Variants in KCNB2 observed in about 807,000 individuals in gnomAD.
KCNB2 encodes the protein potassium voltage-gated channel subfamily B member 2, also known as delayed rectifier potassium channel protein.
KCNB2 carries 15 observed loss-of-function variants against 61.5 expected under a neutral mutation model. That is an observed-to-expected ratio of 0.24 (90% CI 0.16 to 0.38). The LOEUF is 0.38. KCNB2 is among the 10% of genes least tolerant of loss of function. The pLI, the probability that KCNB2 is intolerant of heterozygous loss-of-function variation, is 1.00. For missense variants in KCNB2, 828 were observed against 1,125.2 expected (o/e 0.74, Z 3.78); for synonymous variants, 457 against 446.0 (o/e 1.02, Z -0.31).
At chr8:72,743,692 T>C (rs1351659255) in intron 2 of KCNB2, among the ~76,000 whole-genome samples, 1 of 152,216 alleles carries the variant, frequency 6.6e-6, no homozygotes, top group Non-Finnish European at 1.5e-5. Flanking sequence ...AACCAACCAA[T>C]GGTATTTTTT....
chr8:72,838,469 C>T (rs1201007190), intron 2 of KCNB2, among the ~76,000 whole-genome samples: 2 of 152,184 alleles, frequency 1.3e-5, no homozygotes, highest in Non-Finnish European at 2.9e-5. Context: ...GCATAGTATT[C>T]CATGGTATAT....
At chr8:72,831,814 C>A (rs1371780) in intron 2 of KCNB2, among the ~76,000 whole-genome samples, 78,298 of 151,980 alleles carry the variant, frequency 0.52, 20,757 homozygotes, top group Non-Finnish European at 0.58. Flanking sequence ...GGAATTAGAC[C>A]TTATATATTA....
rs1805554358 is a variant in KCNB2 at position 72,867,856 on chromosome 8, G to T, written c.580-68079G>T. 3.3e-5 allele frequency among the ~76,000 whole-genome samples: 5 copies of T among 152,222 alleles called. No individual in the cohort carries two copies. In the South Asian group the frequency reaches 1.0e-3, roughly 32 times the overall value. The stretch of plus-strand genomic sequence containing the variant: ...TATCACTTTCTAGACTAGGGCGGTG[G>T]AGCAATGGCCACTCGCTGTAGATAG... On this transcript the variant is annotated intron_variant, in intron 2 of 2. Transcript: ENST00000523207.
chr8:72,708,719 ATGTC>A (rs1807275358), intron 2 of KCNB2, among the ~76,000 whole-genome samples: 1 of 152,174 alleles, frequency 6.6e-6, no homozygotes, highest in African/African-American at 2.4e-5. Context: ...GACTTGTTTT[ATGTC>A]AGTCTTGTGG....
chr8:72,869,936 C>G (rs903965603), intron 2 of KCNB2, among the ~76,000 whole-genome samples: 2 of 152,130 alleles, frequency 1.3e-5, no homozygotes, highest in African/African-American at 2.4e-5. Context: ...GCATGGAAAC[C>G]ACCTAAATGT....
At chr8:72,735,343 G>C (rs992857398) in intron 2 of KCNB2, among the ~76,000 whole-genome samples, 1 of 152,074 alleles carries the variant, frequency 6.6e-6, no homozygotes, top group African/African-American at 2.4e-5. Context: ...TTCCCAGAAA[G>C]ACATTATTTT....
chr8:72,920,988 T>TTA (rs1239297462), intron 2 of KCNB2, among the ~76,000 whole-genome samples: 1 of 151,998 alleles, frequency 6.6e-6, no homozygotes, highest in Non-Finnish European at 1.5e-5. Context: ...TAAGCTAAAG[T>TTA]TATGTCAAAA....
chr8:72,711,057 G>T (rs1403424511), intron 2 of KCNB2, among the ~76,000 whole-genome samples: 1 of 152,244 alleles, frequency 6.6e-6, no homozygotes, highest in African/African-American at 2.4e-5. Flanking sequence ...GCTGAGCAGA[G>T]GGGCTCTTCT....
At chr8:72,586,461 A>C (rs1585767841) in intron 2 of KCNB2, among the ~76,000 whole-genome samples, 1 of 152,222 alleles carries the variant, frequency 6.6e-6, no homozygotes, top group East Asian at 1.9e-4. Flanking sequence ...TAATTCCTGC[A>C]CTTAGTCACA....
At chr8:72,540,718 T>TA (rs1315805229) in intron 1 of KCNB2, among the ~76,000 whole-genome samples, 1 of 152,148 alleles carries the variant, frequency 6.6e-6, no homozygotes, top group African/African-American at 2.4e-5. Context: ...TTACTGCAAG[T>TA]ACGGGTTGTG....
intron 2 of KCNB2, among the ~76,000 whole-genome samples, chr8:72,757,593 A>T (rs1331149537): frequency 2.0e-5 from 3 of 152,110 alleles, no homozygotes; most frequent in Non-Finnish European, 4.4e-5. Flanking sequence ...GTATTTAGAG[A>T]TAGTGGAACT....
At chr8:72,726,676 T>C (rs992458186) in intron 2 of KCNB2, among the ~76,000 whole-genome samples, 1 of 152,162 alleles carries the variant, frequency 6.6e-6, no homozygotes, top group Non-Finnish European at 1.5e-5. Flanking sequence ...GAATTACAGG[T>C]TATTTGTCTT....
intron 2 of KCNB2, among the ~76,000 whole-genome samples, chr8:72,570,288 T>C (rs769014269): frequency 6.6e-6 from 1 of 152,152 alleles, no homozygotes; most frequent in Non-Finnish European, 1.5e-5. Context: ...TAGTTATAAA[T>C]GGTATATTTG....
At chr8:72,921,269 C>G (rs1268853200) in intron 2 of KCNB2, among the ~76,000 whole-genome samples, 3 of 152,116 alleles carry the variant, frequency 2.0e-5, no homozygotes, top group Admixed American at 1.3e-4. Context: ...CTATTCTACT[C>G]TCATCTGTTC....
chr8:72,547,719 A>G (rs1254673766), intron 1 of KCNB2, among the ~76,000 whole-genome samples: 2 of 152,348 alleles, frequency 1.3e-5, no homozygotes, highest in African/African-American at 4.8e-5. Flanking sequence ...ATTTCTTCAG[A>G]TGAAATTTAC....
intron 2 of KCNB2, among the ~76,000 whole-genome samples, chr8:72,643,793 A>T (rs1021932014): frequency 6.6e-6 from 1 of 152,134 alleles, no homozygotes; most frequent in African/African-American, 2.4e-5. Context: ...TATCAGATGG[A>T]CCCATTTCTC....
At chr8:72,579,684 G>GA (rs1297677664) in intron 2 of KCNB2, among the ~76,000 whole-genome samples, 2 of 152,146 alleles carry the variant, frequency 1.3e-5, no homozygotes, top group East Asian at 1.9e-4. Flanking sequence ...TAACTCTGGG[G>GA]AAAGAGACTG....
rs752896189 is a variant in KCNB2 at position 72,567,886 on chromosome 8, G to T, written c.152G>T (p.Arg51Ile). The change falls in exon 2 of 3, where the codon AGA (arginine) becomes ATA (isoleucine). Residue 51 changes from arginine (R) to isoleucine (I), a missense_variant. By Grantham distance (97) the Arg-to-Ile change is moderately conservative. Around this residue, in one of 4 missense-constraint regions of KCNB2, gnomAD observed 163 missense variants for 314.4 expected, o/e 0.52. Coordinates refer to ENST00000523207, the MANE Select transcript of KCNB2 (RefSeq NM_004770.3). The stretch of plus-strand genomic sequence containing the variant: ...GGCCTCAACCACGAAGTCCTGTGGA[G>T]AACGCTGGACAGGCTGCCCAGGACG... ...VGGLNHEVLW[R>I]TLDRLPRTRL... 1.9e-6 allele frequency: 3 copies of T among 1,614,094 alleles called. No individual in the cohort carries two copies. The highest frequency in any genetic ancestry group is 8.5e-7 in the Non-Finnish European group (1 of 1,180,014).
At chr8:72,686,922 A>G (rs1806862957) in intron 2 of KCNB2, among the ~76,000 whole-genome samples, 1 of 152,194 alleles carries the variant, frequency 6.6e-6, no homozygotes, top group Non-Finnish European at 1.5e-5. Flanking sequence ...TCCAAGCTGG[A>G]TGGCATGAAA....
Sources: allele counts gnomAD v4.1 joint callset (sites outside exome capture counted in the v4.1 genomes callset), GRCh38; gene constraint gnomAD v4.1.1; regional missense constraint gnomAD v4.1.1; transcripts MANE v1.5; gene names NCBI Gene and HGNC (gene_info 2026-07-23, HGNC 2026-07-21).